The following MARK1 variants were observed in gnomAD, a reference collection of about 807,000 sequenced individuals.
The protein encoded by MARK1 is microtubule affinity regulating kinase 1.
A neutral mutation model predicts 96.3 loss-of-function variants in MARK1; 40 were observed. That is an observed-to-expected ratio of 0.42 (90% confidence interval 0.32 to 0.54). The LOEUF is 0.54. Among genes scored for constraint, MARK1 ranks in the 20% least tolerant of loss-of-function variants. The pLI is 0.16. For missense variants in MARK1, 719 were observed against 984.6 expected, an observed-to-expected ratio of 0.73 and a Z score of 3.61; for synonymous variants, 317 against 341.2, an observed-to-expected ratio of 0.93 and a Z score of 0.78.
At chr1:220,643,713 A>C (rs1274629812) in intron 13 of MARK1, among the ~76,000 whole-genome samples, 1 of 152,228 alleles carries the variant, frequency 6.6e-6, no homozygotes, top group Non-Finnish European at 1.5e-5. Flanking sequence ...CCATTAGACT[A>C]ACAGTGGACC....
At chr1:220,592,223 TTATATTA>T (rs1242041250) in intron 3 of MARK1, among the ~76,000 whole-genome samples, 8 of 50,884 alleles carry the variant, frequency 1.6e-4, no homozygotes, top group African/African-American at 6.1e-4. Flanking sequence ...TTATATCATA[TTATATTA>T]TATTATATTA....
At chr1:220,628,795 T>G (rs1164604904) in intron 9 of MARK1, among the ~76,000 whole-genome samples, 3 of 151,930 alleles carry the variant, frequency 2.0e-5, no homozygotes, top group African/African-American at 7.3e-5. Flanking sequence ...AATTTAAAAA[T>G]GTATCATGTG....
chr1:220,581,027 C>T (rs1431596388), intron 2 of MARK1, 38 bp from the exon 3 acceptor site: 3 of 843,394 alleles, frequency 3.6e-6, no homozygotes, highest in Non-Finnish European at 5.1e-6. Context: ...TTAAAATATG[C>T]ATTTTTCAAA....
intron 6 of MARK1, among the ~76,000 whole-genome samples, chr1:220,610,102 C>G (rs1666350373): frequency 6.6e-6 from 1 of 152,176 alleles, no homozygotes; most frequent in Admixed American, 6.5e-5. Context: ...GCCTGCCTTG[C>G]TAGGTTGGGG....
intron 1 of MARK1, among the ~76,000 whole-genome samples, chr1:220,541,090 A>G (rs1037360992): frequency 4.6e-5 from 7 of 151,710 alleles, no homozygotes; most frequent in African/African-American, 7.3e-5. Context: ...CTGCCACCAT[A>G]CCTGGCTAAT....
intron 1 of MARK1, among the ~76,000 whole-genome samples, chr1:220,550,327 T>C (rs921410062): frequency 2.6e-5 from 4 of 152,172 alleles, no homozygotes; most frequent in African/African-American, 9.7e-5. Context: ...GATAATAGTT[T>C]GATGAGCTAG....
chr1:220,528,942 G>C (rs1005558065), intron 1 of MARK1, 69 bp downstream of exon 1: 2 of 1,454,574 alleles, frequency 1.4e-6, no homozygotes, highest in Non-Finnish European at 1.8e-6. Context: ...CTTCACCCGC[G>C]CTTGGGCCGT....
At chr1:220,636,119 G>C in intron 13 of MARK1, 93 bp downstream of exon 13, 1 of 889,928 alleles carries the variant, frequency 1.1e-6, no homozygotes, top group South Asian at 2.6e-5. Context: ...TTAAATGATT[G>C]AAAAATTTAA....
intron 1 of MARK1, among the ~76,000 whole-genome samples, chr1:220,566,499 A>G (rs972405104): frequency 6.6e-6 from 1 of 152,152 alleles, no homozygotes; most frequent in Non-Finnish European, 1.5e-5. Context: ...CTGAGAGCAA[A>G]CCGTTGCTGG....
At chr1:220,610,239 T>C (rs1177835717) in intron 6 of MARK1, among the ~76,000 whole-genome samples, 1 of 152,212 alleles carries the variant, frequency 6.6e-6, no homozygotes, top group Non-Finnish European at 1.5e-5. Context: ...TTGGAGGCTT[T>C]GTTCATTTCT....
chr1:220,578,865 T>C (rs570688360), intron 1 of MARK1, among the ~76,000 whole-genome samples: 9 of 152,266 alleles, frequency 5.9e-5, no homozygotes, highest in African/African-American at 2.2e-4. Flanking sequence ...TTTTTTGAGA[T>C]GGAGTCCCGC....
At chr1:220,563,061 C>T (rs970046505) in intron 1 of MARK1, among the ~76,000 whole-genome samples, 1 of 152,086 alleles carries the variant, frequency 6.6e-6, no homozygotes, top group Non-Finnish European at 1.5e-5. Context: ...CTTGGCAGGC[C>T]AGGGCTGTCT....
intron 1 of MARK1, among the ~76,000 whole-genome samples, chr1:220,541,376 T>A (rs1020817423): frequency 1.4e-4 from 21 of 152,146 alleles, no homozygotes; most frequent in African/African-American, 5.1e-4. Context: ...TGAGAAGAAT[T>A]TATATTGTGC....
At chr1:220,631,176 C>A in intron 10 of MARK1, 42 bp downstream of exon 10, 1 of 1,369,416 alleles carries the variant, frequency 7.3e-7, no homozygotes, top group Non-Finnish European at 1.0e-6. Context: ...CCCTAGGCAA[C>A]AAGTAAGAGT....
In MARK1 at chr1:220,586,009, ACACG is replaced by A. The variant is rs368890734; in HGVS notation, c.309+4893_309+4896del. On this transcript the variant is annotated intron_variant, in intron 3 of 17. Transcript: ENST00000366917. ...TACACACACACACACACACACACACACACGCGCGCGTGCGCAGAGAGAGAGAGTT... is the reference window on the plus strand; with the variant it reads ...TACACACACACACACACACACACACACGCGCGTGCGCAGAGAGAGAGAGTT... Among the ~76,000 whole-genome samples, 25 of 129,726 alleles carry A rather than the reference ACACG, an allele frequency of 1.9e-4. 1 individual carries two copies. The highest frequency in any genetic ancestry group is 7.0e-4 in the African/African-American group (25 of 35,628). The allele number at this position is 129,726 out of a possible 152,430, so 85.1% of individuals were successfully genotyped here.
intron 3 of MARK1, among the ~76,000 whole-genome samples, chr1:220,586,011 A>ACGCACGCACGCGCG (rs1553322976): frequency 9.4e-5 from 14 of 148,536 alleles, no homozygotes; most frequent in African/African-American, 3.6e-4. Context: ...ACACACACAC[A>ACGCACGCACGCGCG]CGCGCGCGTG....
At chr1:220,644,295 C>T (rs1195230603) in intron 13 of MARK1, among the ~76,000 whole-genome samples, 1 of 151,906 alleles carries the variant, frequency 6.6e-6, no homozygotes, top group Admixed American at 6.6e-5. Flanking sequence ...AGACTTTAAA[C>T]CAACAAAGGT....
intron 1 of MARK1, among the ~76,000 whole-genome samples, chr1:220,546,302 A>G (rs1212826048): frequency 6.6e-6 from 1 of 152,194 alleles, no homozygotes; most frequent in East Asian, 1.9e-4. Context: ...ACATTTCATA[A>G]TGAAACCCCA....
At chr1:220,529,145 G>C (rs1359937712) in intron 1 of MARK1, among the ~76,000 whole-genome samples, 1 of 152,230 alleles carries the variant, frequency 6.6e-6, no homozygotes, top group African/African-American at 2.4e-5. Flanking sequence ...GGGTGATGGA[G>C]GGCAGAGAAG....
Sources: gnomAD v4.1 joint callset for allele counts (sites outside exome capture counted in the v4.1 genomes callset) on GRCh38, gnomAD v4.1.1 for gene constraint, MANE v1.5 for transcripts, NCBI Gene and HGNC (gene_info 2026-07-23, HGNC 2026-07-21) for gene names.